The following DOCK4 variants were observed in gnomAD, a reference collection of about 807,000 sequenced individuals.
DOCK4 encodes dedicator of cytokinesis 4.
In DOCK4, 97 loss-of-function variants were observed where a neutral mutation model predicts 268.1. The ratio of observed to expected loss-of-function variants is 0.36; its 90% CI spans 0.31 to 0.43. The LOEUF (loss-of-function observed/expected upper bound fraction) is 0.43. Ranked by LOEUF, DOCK4 falls within the 20% of genes least tolerant of loss-of-function variation. DOCK4 has a pLI of 1.00. For synonymous variants in DOCK4, 954 were observed against 887.2 expected (o/e 1.08, Z -1.34); for missense variants, 2,145 against 2,455.7 (o/e 0.87, Z 2.67).
At chr7:111,856,159 C>T (rs928516934) in intron 23 of DOCK4, among the ~76,000 whole-genome samples, 1 of 152,114 alleles carries the variant, frequency 6.6e-6, no homozygotes, top group African/African-American at 2.4e-5. Flanking sequence ...GGATGAGTGA[C>T]GTGTAAGAAA....
intron 1 of DOCK4, among the ~76,000 whole-genome samples, chr7:112,203,826 T>TAC (rs3056587): frequency 0.012 from 1,714 of 146,984 alleles, 26 homozygotes; most frequent in African/African-American, 0.038. Context: ...AAAATTTCAC[T>TAC]ACACACACAC....
chr7:111,896,819 G>C (rs903677330), intron 15 of DOCK4, among the ~76,000 whole-genome samples: 2 of 152,082 alleles, frequency 1.3e-5, no homozygotes, highest in Non-Finnish European at 2.9e-5. Flanking sequence ...TGTCTGGCTG[G>C]TGCTGGTCCC....
At chr7:111,746,285 A>C in intron 44 of DOCK4, 49 bp downstream of exon 44, 2 of 1,499,408 alleles carry the variant, frequency 1.3e-6, no homozygotes, top group Non-Finnish European at 1.8e-6. Context: ...TAGGTAAGCA[A>C]GCACATATCC....
At chr7:112,048,389 C>CAAAAAAAAAA (rs59810546) in intron 1 of DOCK4, among the ~76,000 whole-genome samples, 64 of 72,002 alleles carry the variant, frequency 8.9e-4, no homozygotes, top group African/African-American at 1.2e-3. Flanking sequence ...ACTAAAAATA[C>CAAAAAAAAAA]AAAAAAAAAA....
intron 16 of DOCK4, among the ~76,000 whole-genome samples, chr7:111,884,545 T>A (rs192994631): frequency 6.6e-6 from 1 of 152,222 alleles, no homozygotes; most frequent in Non-Finnish European, 1.5e-5. Context: ...CAAAAATGGT[T>A]AGCTTTTCAA....
intron 24 of DOCK4, among the ~76,000 whole-genome samples, chr7:111,845,155 A>T (rs1384317388): frequency 6.6e-6 from 1 of 152,166 alleles, no homozygotes; most frequent in African/African-American, 2.4e-5. Context: ...CTAACTCAGA[A>T]CACCAGCGAG....
chr7:111,767,229 T>C (rs1324067959), intron 37 of DOCK4, 111 bp from the exon 38 acceptor site: 1 of 314,230 alleles, frequency 3.2e-6, no homozygotes, highest in Non-Finnish European at 5.2e-6. Flanking sequence ...TCCTTAATCT[T>C]TTTTTTTTTT....
chr7:111,731,791 T>G (rs879892265), intron 52 of DOCK4, among the ~76,000 whole-genome samples: 5 of 152,210 alleles, frequency 3.3e-5, no homozygotes, highest in Non-Finnish European at 7.3e-5. Context: ...AAAATGGGTT[T>G]GGCTGACGAT....
At chr7:111,823,380 G>A (rs1197433799) in intron 26 of DOCK4, among the ~76,000 whole-genome samples, 1 of 151,682 alleles carries the variant, frequency 6.6e-6, no homozygotes, top group African/African-American at 2.4e-5. Context: ...CTAATTTTTT[G>A]TATTTTTAGT....
intron 1 of DOCK4, among the ~76,000 whole-genome samples, chr7:112,029,197 T>C (rs755649744): frequency 6.6e-6 from 1 of 152,134 alleles, no homozygotes; most frequent in Non-Finnish European, 1.5e-5. Flanking sequence ...AAGTTAATCA[T>C]TGTGAATGTG....
intron 1 of DOCK4, among the ~76,000 whole-genome samples, chr7:112,099,375 T>C (rs545539309): frequency 5.3e-5 from 8 of 151,644 alleles, no homozygotes; most frequent in Non-Finnish European, 1.0e-4. Flanking sequence ...ATATCTATAA[T>C]GCGACCCACC....
At chr7:111,910,022 T>G (rs1188901577) in intron 13 of DOCK4, among the ~76,000 whole-genome samples, 1 of 148,996 alleles carries the variant, frequency 6.7e-6, no homozygotes, top group Non-Finnish European at 1.5e-5. Context: ...AAAGACCTAC[T>G]AAAAGTGAAT....
chr7:111,855,739 A>T (rs1243775171), intron 23 of DOCK4, among the ~76,000 whole-genome samples: 1 of 152,178 alleles, frequency 6.6e-6, no homozygotes, highest in Non-Finnish European at 1.5e-5. Flanking sequence ...GCTGTACTTT[A>T]TCATATTATA....
At chr7:112,082,663 AACTC>A (rs1247813539) in intron 1 of DOCK4, among the ~76,000 whole-genome samples, 2 of 152,146 alleles carry the variant, frequency 1.3e-5, no homozygotes, top group Non-Finnish European at 2.9e-5. Flanking sequence ...GATAGTAGTC[AACTC>A]ACTCTCTCTC....
At chr7:111,809,593 T>C (rs1218351126) in intron 28 of DOCK4, among the ~76,000 whole-genome samples, 192 bp from the exon 29 acceptor site, 1 of 152,210 alleles carries the variant, frequency 6.6e-6, no homozygotes, top group Non-Finnish European at 1.5e-5. Context: ...TCTCTACTTG[T>C]ACATATGCTT....
At chr7:111,990,055 T>G (rs1445359855) in intron 5 of DOCK4, among the ~76,000 whole-genome samples, 2 of 152,206 alleles carry the variant, frequency 1.3e-5, no homozygotes, top group African/African-American at 4.8e-5. Context: ...TCATTAACAT[T>G]TTTGTGCTTG....
chr7:111,833,247 A>T (rs1331727996), intron 26 of DOCK4, among the ~76,000 whole-genome samples: 1 of 152,132 alleles, frequency 6.6e-6, no homozygotes, highest in Non-Finnish European at 1.5e-5. Context: ...TCTAAATTCA[A>T]GATTGAATGT....
intron 49 of DOCK4, 78 bp downstream of exon 49, chr7:111,739,056 C>T (rs553941127): frequency 2.4e-6 from 3 of 1,249,298 alleles, no homozygotes; most frequent in African/African-American, 3.0e-5. Flanking sequence ...TTGGCAGCTA[C>T]CGCGTGTTTC....
Position 112,177,824 on chromosome 7 carries a change from T to C in DOCK4, c.37+28278A>G, listed in dbSNP as rs112118305. ...AATCTGTATCTTTATCAACTCAGCA[T>C]TAGGTTTGCTTAAAGGAAAGGACAC... On this transcript the variant is annotated intron_variant, in intron 1 of 52. Coordinates refer to ENST00000428084, the MANE Select transcript of DOCK4 (RefSeq NM_001363540.2). Among the ~76,000 whole-genome samples the C allele has an allele frequency of 8.6e-3, 1,311 of 152,288 alleles. 10 individuals carry two copies. The highest frequency in any genetic ancestry group is 0.014 in the Non-Finnish European group (921 of 68,022).
Sources: allele counts gnomAD v4.1 joint callset (sites outside exome capture counted in the v4.1 genomes callset), GRCh38; gene constraint gnomAD v4.1.1; transcripts MANE v1.5; gene names NCBI Gene and HGNC (gene_info 2026-07-23, HGNC 2026-07-21).